The following DAB1 variants were observed in gnomAD, a reference collection of about 807,000 sequenced individuals.
DAB1 encodes the protein disabled homolog 1.
Under a neutral mutation model 64.6 loss-of-function variants are expected in DAB1, and 15 were observed. That is an observed-to-expected ratio of 0.23 (90% confidence interval 0.16 to 0.36). The LOEUF (loss-of-function observed/expected upper bound fraction) is 0.36. Ranked by LOEUF, DAB1 falls within the 10% of genes least tolerant of loss-of-function variation. The pLI, the probability that DAB1 is intolerant of heterozygous loss-of-function variation, is 1.00. For missense variants in DAB1, 596 were observed against 706.7 expected, an observed-to-expected ratio of 0.84 and a Z score of 1.78; for synonymous variants, 235 against 251.9, an observed-to-expected ratio of 0.93 and a Z score of 0.64.
At chr1:57,614,467 T>C (rs1570675265) in intron 7 of DAB1, among the ~76,000 whole-genome samples, 1 of 152,224 alleles carries the variant, frequency 6.6e-6, no homozygotes, top group Non-Finnish European at 1.5e-5. Flanking sequence ...ATAATACTGG[T>C]CCATGATGAA....
At chr1:57,771,853 T>G (rs1041294240) in intron 6 of DAB1, among the ~76,000 whole-genome samples, 1 of 152,152 alleles carries the variant, frequency 6.6e-6, no homozygotes, top group Non-Finnish European at 1.5e-5. Flanking sequence ...ATACCTACTA[T>G]AAGCAATGTT....
chr1:57,549,242 T>C (rs113621936), intron 7 of DAB1, among the ~76,000 whole-genome samples: 1 of 152,214 alleles, frequency 6.6e-6, no homozygotes, highest in African/African-American at 2.4e-5. Context: ...TGTTGTGTGA[T>C]CTGCAATTGT....
At chr1:57,828,015 G>A (rs2101901435) in intron 1 of DAB1, among the ~76,000 whole-genome samples, 1 of 152,144 alleles carries the variant, frequency 6.6e-6, no homozygotes, top group Non-Finnish European at 1.5e-5. Flanking sequence ...GTGCGATCTC[G>A]GCTCACTGCA....
At chr1:57,003,237 C>T (rs905468680) in intron 14 of DAB1, among the ~76,000 whole-genome samples, 2 of 152,346 alleles carry the variant, frequency 1.3e-5, no homozygotes, top group African/African-American at 2.4e-5. Flanking sequence ...TGTCCTTTAA[C>T]TATCTATGAA....
At chr1:57,995,547 G>A (rs1476956476) in intron 5 of DAB1, among the ~76,000 whole-genome samples, 4 of 152,222 alleles carry the variant, frequency 2.6e-5, no homozygotes, top group African/African-American at 9.6e-5. Flanking sequence ...ATGCCAGTTG[G>A]TTATTAATAA....
At chr1:57,188,331 C>T (rs1569822076) in intron 2 of DAB1, among the ~76,000 whole-genome samples, 1 of 152,018 alleles carries the variant, frequency 6.6e-6, no homozygotes, top group South Asian at 2.1e-4. Flanking sequence ...AAATTTTCAT[C>T]TTGAGTCATC....
chr1:57,956,574 T>C (rs1347201846), intron 5 of DAB1, among the ~76,000 whole-genome samples: 2 of 152,168 alleles, frequency 1.3e-5, no homozygotes, highest in Non-Finnish European at 2.9e-5. Flanking sequence ...GAAGACCTCA[T>C]TAAATAAAGA....
At chr1:57,544,328 C>T (rs1570612348) in intron 7 of DAB1, among the ~76,000 whole-genome samples, 1 of 152,182 alleles carries the variant, frequency 6.6e-6, no homozygotes, top group African/African-American at 2.4e-5. Context: ...CACTTTCATA[C>T]ACATTATTTT....
At chr1:57,762,017 G>A (rs969219514) in intron 6 of DAB1, among the ~76,000 whole-genome samples, 3 of 152,162 alleles carry the variant, frequency 2.0e-5, no homozygotes, top group African/African-American at 7.2e-5. Context: ...CATGGACAGA[G>A]CGTCATTTGC....
chr1:58,075,283 G>T (rs1478748155), intron 5 of DAB1, among the ~76,000 whole-genome samples: 1 of 152,178 alleles, frequency 6.6e-6, no homozygotes, highest in Non-Finnish European at 1.5e-5. Context: ...AATACTCTGG[G>T]ATTCCTTATT....
At chr1:58,463,589 T>G (rs1645264767) in intron 3 of DAB1, among the ~76,000 whole-genome samples, 1 of 152,268 alleles carries the variant, frequency 6.6e-6, no homozygotes, top group African/African-American at 2.4e-5. Context: ...GAGTCTCATA[T>G]GCATAAGGTC....
chr1:57,848,159 C>T (rs990435906), intron 1 of DAB1, among the ~76,000 whole-genome samples: 6 of 152,202 alleles, frequency 3.9e-5, no homozygotes, highest in African/African-American at 7.2e-5. Context: ...TATTCTAAAA[C>T]ATTGACCATC....
At position 57,445,354 on chromosome 1, in the gene DAB1, C is replaced by T. The variant is rs543266148; in HGVS notation, n.626-154188G>A. Among the ~76,000 whole-genome samples, 3 of 152,232 alleles carry T rather than the reference C, an allele frequency of 2.0e-5. No homozygotes were observed. In the South Asian group the frequency reaches 6.2e-4, roughly 32 times the overall value. ...AAATAGTAGAACTGAGAAGGGTTAT[C>T]TGACTAGCCCAAGGTCACACAGCAA... On this transcript the variant is annotated intron_variant and non_coding_transcript_variant, in intron 7 of 20. Transcript: ENST00000485760.
intron 5 of DAB1, among the ~76,000 whole-genome samples, chr1:58,126,522 T>A (rs1012326596): frequency 2.0e-5 from 3 of 151,830 alleles, no homozygotes; most frequent in African/African-American, 7.3e-5. Flanking sequence ...TAGTTACATA[T>A]GTATACATGT....
intron 9 of DAB1, among the ~76,000 whole-genome samples, chr1:57,053,688 A>ATATATATATATATATT (rs1447741565): frequency 2.7e-4 from 19 of 71,400 alleles, no homozygotes; most frequent in African/African-American, 7.6e-4. Flanking sequence ...ATATATATAT[A>ATATATATATATATATT]TTTTTTTTTT....
intron 4 of DAB1, among the ~76,000 whole-genome samples, chr1:58,211,112 T>C (rs768959344): frequency 2.0e-5 from 3 of 151,984 alleles, no homozygotes; most frequent in Non-Finnish European, 2.9e-5. Context: ...GAAAGGCAGG[T>C]GAAGAGTGTC....
intron 5 of DAB1, among the ~76,000 whole-genome samples, chr1:58,011,413 C>T (rs1646666859): frequency 1.3e-5 from 2 of 152,162 alleles, no homozygotes; most frequent in South Asian, 2.1e-4. Flanking sequence ...ATCTTTAAGT[C>T]AGTCTTTGAG....
At chr1:58,345,354 G>C (rs1378125433) in intron 3 of DAB1, among the ~76,000 whole-genome samples, 1 of 152,124 alleles carries the variant, frequency 6.6e-6, no homozygotes, top group Non-Finnish European at 1.5e-5. Context: ...GGAATACTGA[G>C]AGCCACACAA....
intron 6 of DAB1, among the ~76,000 whole-genome samples, chr1:57,725,246 G>A (rs1331795583): frequency 6.6e-6 from 1 of 152,146 alleles, no homozygotes; most frequent in Non-Finnish European, 1.5e-5. Context: ...ATGCAGGAAC[G>A]ATTACTTGCT....
Sources: gnomAD v4.1 joint callset for allele counts (sites outside exome capture counted in the v4.1 genomes callset) on GRCh38, gnomAD v4.1.1 for gene constraint, MANE v1.5 for transcripts, NCBI Gene and HGNC (gene_info 2026-07-23, HGNC 2026-07-21) for gene names.